Variants in ALPL observed in about 807,000 individuals in gnomAD.
The protein encoded by ALPL is alkaline phosphatase, tissue-nonspecific isozyme.
ALPL carries 42 observed loss-of-function variants against 51.3 expected under a neutral mutation model. The ratio of observed to expected loss-of-function variants is 0.82; its 90% confidence interval spans 0.64 to 1.06. The LOEUF (loss-of-function observed/expected upper bound fraction) is 1.06, where lower values mean the gene tolerates loss of function less well. ALPL is among the 50% of genes least tolerant of loss of function. ALPL has a pLI of 0.00. For missense variants in ALPL, 589 were observed against 709.4 expected (o/e 0.83, Z 1.93); for synonymous variants, 279 against 296.4 (o/e 0.94, Z 0.60).
In ALPL at chr1:21,515,885, T is replaced by TTG. The variant is rs1323069289; in HGVS notation, c.-105+6369_-105+6370insGT. Among the ~76,000 whole-genome samples the TTG allele has an allele frequency of 4.0e-4, 42 of 104,250 alleles. No homozygotes were observed. The East Asian group carries it at 6.6e-3, about 16-fold the overall frequency. The allele number at this position is 104,250 out of a possible 152,430, so 68.4% of individuals were successfully genotyped here. A position where few individuals can be genotyped will look rare whatever the true frequency, so the allele number is the denominator to read the frequency against. On this transcript the variant is annotated intron_variant, in intron 1 of 11. Coordinates refer to ENST00000374840, the MANE Select transcript of ALPL (RefSeq NM_000478.6). The stretch of plus-strand genomic sequence containing the variant: ...GTTTGTTTGTTTTGTTGTTGTTGTT[T>TTG]TTTGAGACAGGGTCTAGTGGCTCTG...
chr1:21,570,678 T>C (rs180773648), intron 8 of ALPL, among the ~76,000 whole-genome samples: 1 of 152,318 alleles, frequency 6.6e-6, no homozygotes, highest in Non-Finnish European at 1.5e-5. Flanking sequence ...GTTTGAGCCC[T>C]GGCTGGGAAC....
intron 2 of ALPL, among the ~76,000 whole-genome samples, chr1:21,555,534 A>C (rs1644401384): frequency 6.6e-6 from 1 of 152,152 alleles, no homozygotes; most frequent in East Asian, 1.9e-4. Flanking sequence ...CTCCTGCCTC[A>C]GCCTCCTGAG....
At chr1:21,568,077 A>G (rs1164455166) in intron 6 of ALPL, 27 bp from the exon 7 acceptor site, 1 of 1,613,908 alleles carries the variant, frequency 6.2e-7, no homozygotes, top group Non-Finnish European at 8.5e-7. Flanking sequence ...GGAACCCTGC[A>G]GAAGTGATGG....
chr1:21,529,864 C>T (rs1490781792), intron 1 of ALPL, among the ~76,000 whole-genome samples: 5 of 152,080 alleles, frequency 3.3e-5, no homozygotes, highest in African/African-American at 4.8e-5. Flanking sequence ...CTCGACCTCC[C>T]GAGCTCAAGT....
chr1:21,520,005 G>A (rs1377906544), intron 1 of ALPL, among the ~76,000 whole-genome samples: 6 of 152,018 alleles, frequency 3.9e-5, no homozygotes, highest in African/African-American at 1.2e-4. Context: ...GCTGCCCCCC[G>A]CATCCCACCC....
chr1:21,513,056 T>G (rs1643723121), intron 1 of ALPL, among the ~76,000 whole-genome samples: 2 of 151,322 alleles, frequency 1.3e-5, no homozygotes, highest in South Asian at 4.2e-4. Context: ...GGACTCGCCC[T>G]CTCTATTATT....
chr1:21,568,469 A>C lies in ALPL; in HGVS notation c.792+222A>C, dbSNP rs371393905. ...CAGAGAGAGGCGGATGGTGAGGAGG[A>C]GGCTGGGCCAGGGAATAACCTGCGT... On this transcript the variant is annotated intron_variant, in intron 7 of 11. Coordinates refer to ENST00000374840, the MANE Select transcript of ALPL (RefSeq NM_000478.6). Among the ~76,000 whole-genome samples the C allele has an allele frequency of 4.6e-5, 7 of 152,190 alleles. No individual in the cohort carries two copies. The South Asian group carries it at 8.3e-4, about 18-fold the overall frequency.
At chr1:21,527,365 T>C (rs1156875128) in intron 1 of ALPL, among the ~76,000 whole-genome samples, 2 of 152,128 alleles carry the variant, frequency 1.3e-5, no homozygotes, top group African/African-American at 4.8e-5. Flanking sequence ...TGAATTTGTT[T>C]TGAAAAACTA....
chr1:21,559,517 G>T (rs1409649924), intron 2 of ALPL, among the ~76,000 whole-genome samples: 1 of 152,068 alleles, frequency 6.6e-6, no homozygotes, highest in African/African-American at 2.4e-5. Context: ...GCAGCTGGGG[G>T]TTTTTTGTTT....
chr1:21,517,524 G>T (rs1186144002), intron 1 of ALPL, among the ~76,000 whole-genome samples: 2 of 152,146 alleles, frequency 1.3e-5, no homozygotes, highest in African/African-American at 4.8e-5. Flanking sequence ...GGAGGAGACA[G>T]AACATAGACA....
chr1:21,540,693 C>T (rs1360179195), intron 1 of ALPL, among the ~76,000 whole-genome samples: 1 of 152,222 alleles, frequency 6.6e-6, no homozygotes, highest in Admixed American at 6.5e-5. Flanking sequence ...CCACACATTC[C>T]TGCCTCCTTG....
In ALPL at chr1:21,563,237, C is replaced by T. The variant is rs745841670; in HGVS notation, c.425C>T (p.Thr142Ile). 5 of 1,613,632 alleles carry T rather than the reference C, an allele frequency of 3.1e-6. No individual in the cohort carries two copies. In the African/African-American group the frequency reaches 5.3e-5, roughly 17 times the overall value. ...AATERSRCNT[T>I]QGNEVTSILR... ...ACTGAGCGTTCCCGGTGCAACACCA[C>T]CCAGGGGAACGAGGTCACCTCCATC... Residue 142 changes from threonine to isoleucine, a missense_variant, in exon 5 of 12, where the codon ACC (threonine) becomes ATC (isoleucine). Transcript: ENST00000374840.
Position 21,577,486 on chromosome 1 carries a change from G to A in ALPL, c.1413G>A (p.Leu471=). The change falls in exon 12 of 12, where the codon CTG becomes CTA. Residue 471 remains leucine, a synonymous_variant. Transcript: ENST00000374840. ...VFSKGPMAHL[L]HGVHEQNYVP... ...CCAAGGGCCCCATGGCGCACCTGCTGCACGGCGTCCACGAGCAGAACTACG... is the reference window on the plus strand; with the variant it reads ...CCAAGGGCCCCATGGCGCACCTGCTACACGGCGTCCACGAGCAGAACTACG... 6.2e-7 allele frequency: 1 copy of A among 1,609,832 alleles called. No individual in the cohort carries two copies. Among genetic ancestry groups the A allele is most frequent in the Non-Finnish European group, 8.5e-7 (1 of 1,179,914 alleles).
At chr1:21,510,593 G>A (rs1232644375) in intron 1 of ALPL, among the ~76,000 whole-genome samples, 1 of 152,224 alleles carries the variant, frequency 6.6e-6, no homozygotes, top group African/African-American at 2.4e-5. Flanking sequence ...GGGAAACTGA[G>A]GCTTAGACAA....
At chr1:21,552,471 C>G (rs960531798) in intron 1 of ALPL, among the ~76,000 whole-genome samples, 19 of 130,658 alleles carry the variant, frequency 1.5e-4, no homozygotes, top group Non-Finnish European at 3.0e-4. Flanking sequence ...AAGAACAAAA[C>G]TCCGTCTCAA....
rs1169390630 is a variant in ALPL at position 21,509,987 on chromosome 1, C to T, written c.-105+470C>T. On this transcript the variant is annotated intron_variant, in intron 1 of 11. Transcript: ENST00000374840. The surrounding 1 kb of genome is among the most constrained non-coding windows in gnomAD (Gnocchi z 6.0). ...GCCCTCCCAGGCGTCCCACCTGACC[C>T]GGTGGGGTCTAAAGCAGTTTGGTTT... Among the ~76,000 whole-genome samples the T allele has an allele frequency of 6.6e-6, 1 of 152,176 alleles. No homozygotes were observed. The highest frequency in any genetic ancestry group is 2.4e-5 in the African/African-American group (1 of 41,456).
intron 1 of ALPL, among the ~76,000 whole-genome samples, chr1:21,552,100 T>C (rs1261705936): frequency 3.4e-4 from 4 of 11,816 alleles, no homozygotes; most frequent in African/African-American, 8.9e-4. Flanking sequence ...TCCCTTCCCT[T>C]CCCTTTCCTC....
At chr1:21,535,360 G>C (rs1324913237) in intron 1 of ALPL, among the ~76,000 whole-genome samples, 1 of 152,148 alleles carries the variant, frequency 6.6e-6, no homozygotes, top group Non-Finnish European at 1.5e-5. Context: ...TCACCCGGGA[G>C]TCCCAGCACT....
chr1:21,544,275 G>T (rs1644226134), intron 1 of ALPL, among the ~76,000 whole-genome samples: 1 of 152,260 alleles, frequency 6.6e-6, no homozygotes, highest in Non-Finnish European at 1.5e-5. Context: ...ACACACCTGG[G>T]AAGTGGTGGA....
Sources: gnomAD v4.1 joint callset for allele counts (sites outside exome capture counted in the v4.1 genomes callset) on GRCh38, gnomAD v4.1.1 for gene constraint, Gnocchi (gnomAD v3.1) non-coding constraint, MANE v1.5 for transcripts, NCBI Gene and HGNC (gene_info 2026-07-23, HGNC 2026-07-21) for gene names.